Variants in TMEM119 observed in about 807,000 individuals in gnomAD.
TMEM119 encodes the protein transmembrane protein 119.
For missense variants in TMEM119, 410 were observed against 381.0 expected, an observed-to-expected ratio of 1.08 and a Z score of -0.63; for synonymous variants, 182 against 176.4, an observed-to-expected ratio of 1.03 and a Z score of -0.25.
In TMEM119 at chr12:108,591,112, G is replaced by A. The variant is rs74930907; in HGVS notation, c.*420C>T. ...GTGGACTGTTTTTTGTTTTTATAGA[G>A]ATGGGTCTCACAATGTTGCCAGGGC... is the stretch of plus-strand genomic sequence containing the variant. On this transcript the variant is annotated 3_prime_UTR_variant, in exon 2 of 2. Transcript: ENST00000392806. The surrounding 1 kb of genome is among the most constrained non-coding windows in gnomAD (Gnocchi z 4.2). 6.1e-6 allele frequency: 1 copy of A among 164,082 alleles called. No homozygotes were observed. Among genetic ancestry groups the A allele is most frequent in the African/African-American group, 2.4e-5 (1 of 42,066 alleles). The allele number at this position is 164,082 out of a possible 1,614,324, so 10.2% of individuals were successfully genotyped here.
At chr12:108,595,033 G>C (rs2031481307) in intron 1 of TMEM119, among the ~76,000 whole-genome samples, 1 of 152,076 alleles carries the variant, frequency 6.6e-6, no homozygotes, top group Non-Finnish European at 1.5e-5. Flanking sequence ...GGAGCCCTGA[G>C]GCAGCTTCAT....
At chr12:108,595,084 A>G (rs2031481775) in intron 1 of TMEM119, among the ~76,000 whole-genome samples, 2 of 152,080 alleles carry the variant, frequency 1.3e-5, no homozygotes, top group African/African-American at 2.4e-5. Context: ...GTTCAGAGAC[A>G]GACAGTGACT....
chr12:108,592,007 G>C lies in TMEM119; in HGVS notation c.377C>G (p.Ala126Gly). Reference sequence around the variant, plus strand: ...CTTGGGGAAGGACGATGGGTAATAGGCCGAGGCCTTCTGCTTCTGCCGGGT... The same window carrying C: ...CTTGGGGAAGGACGATGGGTAATAGCCCGAGGCCTTCTGCTTCTGCCGGGT... ...VITRQKQKAS[A>G]YYPSSFPKKK... is the part of the protein sequence containing the mutation. Residue 126 changes from alanine (A) to glycine (G), a missense_variant, in exon 2 of 2, where the codon GCC becomes GGC. Transcript: ENST00000392806. The surrounding 1 kb of genome is among the most constrained non-coding windows in gnomAD (Gnocchi z 4.3). 1 of 1,613,954 alleles carries C rather than the reference G, an allele frequency of 6.2e-7. No homozygotes were observed. Among genetic ancestry groups the C allele is most frequent in the Non-Finnish European group, 8.5e-7 (1 of 1,179,914 alleles).
chr12:108,596,401 A>G (rs1328428413), intron 1 of TMEM119, among the ~76,000 whole-genome samples: 3 of 150,538 alleles, frequency 2.0e-5, no homozygotes, highest in Non-Finnish European at 4.4e-5. Flanking sequence ...ACACATGCAC[A>G]CATACACCTA....
rs1237040742 is a variant in TMEM119, at chr12:108,590,387, C to T, written c.*1145G>A. 6.6e-6 allele frequency: 1 copy of T among 152,104 alleles called. No individual in the cohort carries two copies. The highest frequency in any genetic ancestry group is 2.4e-5 in the African/African-American group (1 of 41,410). 9.4% of individuals were successfully genotyped at this position (152,104 alleles called of 1,614,324 possible). Reference sequence around the variant, plus strand: ...CAGAGTGGGTGCTGCAGGATTTTACCCTGTAGCTGTTTTAAAAAGTAGTTT... The same window carrying T: ...CAGAGTGGGTGCTGCAGGATTTTACTCTGTAGCTGTTTTAAAAAGTAGTTT... On this transcript the variant is annotated 3_prime_UTR_variant, in exon 2 of 2. Transcript: ENST00000392806.
chr12:108,596,895 A>G (rs1358094906), intron 1 of TMEM119, among the ~76,000 whole-genome samples: 3 of 152,270 alleles, frequency 2.0e-5, no homozygotes, highest in Admixed American at 6.5e-5. Context: ...TGAGCCCAGC[A>G]GAGCCCTGGA....
rs770390183 is a variant in TMEM119, at chr12:108,591,680, G to A, written c.704C>T (p.Pro235Leu). Reference sequence around the variant, plus strand: ...AGCCCCCTCAAGGACCCCTGAGCACGGCTCCTCCTGCGCCTCTGGTGTCTC... The same window carrying A: ...AGCCCCCTCAAGGACCCCTGAGCACAGCTCCTCCTGCGCCTCTGGTGTCTC... ...PVETPEAQEE[P>L]CSGVLEGAVV... The change falls in exon 2 of 2, where the codon CCG becomes CTG. Residue 235 changes from proline (P) to leucine (L), a missense_variant. Transcript: ENST00000392806. This position sits in a 1 kb window ranked among gnomAD's most constrained non-coding sequence, Gnocchi z 4.2. 1.1e-5 allele frequency: 17 copies of A among 1,613,740 alleles called. No individual in the cohort carries two copies. The highest frequency in any genetic ancestry group is 8.0e-5 in the African/African-American group (6 of 74,896).
At chr12:108,594,224 T>A (rs527844450) in intron 1 of TMEM119, 1 of 152,470 alleles carries the variant, frequency 6.6e-6, no homozygotes, top group South Asian at 2.1e-4. Context: ...TTGTTCCAGG[T>A]GACCTGAGGC....
Position 108,590,055 on chromosome 12 carries a change from G to T in TMEM119, c.*1477C>A, listed in dbSNP as rs2136737047. 6.6e-6 allele frequency: 1 copy of T among 152,364 alleles called. No individual in the cohort carries two copies. 9.4% of individuals were successfully genotyped at this position (152,364 alleles called of 1,614,324 possible). A position where few individuals can be genotyped will look rare whatever the true frequency, so the allele number is the denominator to read the frequency against. On this transcript the variant is annotated 3_prime_UTR_variant, in exon 2 of 2. Transcript: ENST00000392806. ...CCAGACAATGTGTGAGCAACAGGGGGTGGCCAGGGCCCCCCTGCTCCAGGC... is the reference window on the plus strand; with the variant it reads ...CCAGACAATGTGTGAGCAACAGGGGTTGGCCAGGGCCCCCCTGCTCCAGGC...
chr12:108,592,529 G>T lies in TMEM119; in HGVS notation c.-14-132C>A. ...CTAGCAAGTCCCTTCCATTCCCAGG[G>T]CCTGAGCCCCGCTGGTTCAGCTGTG... On this transcript the variant is annotated intron_variant, in intron 1 of 1. Transcript: ENST00000392806. This position sits in a 1 kb window ranked among gnomAD's most constrained non-coding sequence, Gnocchi z 4.3. 1 of 1,030,466 alleles carries T rather than the reference G, an allele frequency of 9.7e-7. No homozygotes were observed. Among genetic ancestry groups the T allele is most frequent in the Non-Finnish European group, 1.4e-6 (1 of 729,990 alleles). The allele number at this position is 1,030,466 out of a possible 1,614,324, so 63.8% of individuals were successfully genotyped here.
In TMEM119 at chr12:108,591,928, C is replaced by A; in HGVS notation, c.456G>T (p.Glu152Asp). The change falls in exon 2 of 2, where the codon GAG becomes GAT. Residue 152 changes from glutamate to aspartate, a missense_variant. Physicochemically the swap from Glu to Asp is conservative, Grantham distance 45. Transcript: ENST00000392806. The surrounding 1 kb of genome is among the most constrained non-coding windows in gnomAD (Gnocchi z 4.2). ...TGCTGTCGGGGGCTCTGTCGGGGAC[C>A]TCACTGAAGGCCCGGGGGCCCCCGG... ...DRAGGPRAFS[E>D]VPDRAPDSRP... The A allele has an allele frequency of 6.2e-7, 1 of 1,613,298 alleles. No homozygotes were observed. The highest frequency in any genetic ancestry group is 8.5e-7 in the Non-Finnish European group (1 of 1,179,742).
chr12:108,591,713 A>C lies in TMEM119; in HGVS notation c.671T>G (p.Val224Gly). ...CTGCGCCTCTGGTGTCTCCACTGGG[A>C]CCCCATGTCCCTGGACTTCCTGGTC... ...EGDQEVQGHG[V>G]PVETPEAQEE... The change falls in exon 2 of 2, where the codon GTC becomes GGC. Residue 224 changes from valine (V) to glycine (G), a missense_variant. Transcript: ENST00000392806. The surrounding 1 kb of genome is among the most constrained non-coding windows in gnomAD (Gnocchi z 4.2). The C allele has an allele frequency of 6.2e-7, 1 of 1,611,808 alleles. No individual in the cohort carries two copies. Among genetic ancestry groups the C allele is most frequent in the Non-Finnish European group, 8.5e-7 (1 of 1,179,004 alleles).
Position 108,592,114 on chromosome 12 carries a change from G to A in TMEM119, c.270C>T (p.Phe90=), listed in dbSNP as rs765267416. The stretch of plus-strand genomic sequence containing the variant: ...CAATCAGCATCACGTACTGGCGGAA[G>A]AAGTCCACTATCCCATCCAGGAAGT... ...PTNFLDGIVD[F]FRQYVMLIAV... Residue 90 remains phenylalanine (F), a synonymous_variant, in exon 2 of 2, where the codon TTC becomes TTT. Coordinates refer to ENST00000392806, the MANE Select transcript of TMEM119 (RefSeq NM_181724.3). This position sits in a 1 kb window ranked among gnomAD's most constrained non-coding sequence, Gnocchi z 4.3. 1.9e-6 allele frequency: 3 copies of A among 1,614,178 alleles called. No homozygotes were observed. Among genetic ancestry groups the A allele is most frequent in the Admixed American group, 1.7e-5 (1 of 60,030 alleles).
rs1191894073 is a variant in TMEM119, at chr12:108,592,065, G to A, written c.319C>T (p.Leu107=). ...LIAVVGSLAF[L]LMFIVCAAVI... is the part of the protein sequence containing the mutation. ...GCGGCACAGACGATGAACATCAGCA[G>A]AAAGGCCAGGGAGCCCACCACAGCA... The change falls in exon 2 of 2, where the codon CTG becomes TTG. Residue 107 remains leucine (L), a synonymous_variant. Transcript: ENST00000392806. This position sits in a 1 kb window ranked among gnomAD's most constrained non-coding sequence, Gnocchi z 4.3. 6.2e-7 allele frequency: 1 copy of A among 1,614,054 alleles called. No homozygotes were observed. The highest frequency in any genetic ancestry group is 8.5e-7 in the Non-Finnish European group (1 of 1,180,016).
intron 1 of TMEM119, among the ~76,000 whole-genome samples, chr12:108,596,256 C>T (rs2031502135): frequency 6.6e-6 from 1 of 152,170 alleles, no homozygotes; most frequent in Non-Finnish European, 1.5e-5. Context: ...CGGATGGGAA[C>T]ATGCGCTCAC....
In TMEM119 at chr12:108,592,296, G is replaced by GGGGCACAGAGCGGGCGTCGGTAGC. The variant is rs761512430; in HGVS notation, c.64_87dup (p.Ala22_Pro29dup). On this transcript the variant is annotated inframe_insertion, in exon 2 of 2. Transcript: ENST00000392806. The surrounding 1 kb of genome is among the most constrained non-coding windows in gnomAD (Gnocchi z 4.3). ...ACATCCTCCAGGAACGTGGCCTTCA[G>GGGGCACAGAGCGGGCGTCGGTAGC]GGGCACAGAGCGGGCGTCGGTAGCA... 15 of 1,607,818 alleles carry GGGGCACAGAGCGGGCGTCGGTAGC rather than the reference G, an allele frequency of 9.3e-6. No individual in the cohort carries two copies. The African/African-American group carries it at 2.0e-4, about 21-fold the overall frequency.
At chr12:108,596,360 AACACACACATGCACACACATACACAT>A (rs1422004324) in intron 1 of TMEM119, among the ~76,000 whole-genome samples, 2 of 151,670 alleles carry the variant, frequency 1.3e-5, no homozygotes, top group Non-Finnish European at 2.9e-5. Flanking sequence ...TGCAGAACCA[AACACACACATGCACACACATACACAT>A]ACACACACAT....
rs2031436447 is a variant in TMEM119 at position 108,592,744 on chromosome 12, G to A, written c.-14-347C>T. On this transcript the variant is annotated intron_variant, in intron 1 of 1. Transcript: ENST00000392806. This position sits in a 1 kb window ranked among gnomAD's most constrained non-coding sequence, Gnocchi z 4.3. ...TTCATGACTTTATGTGTCAGCCACT[G>A]TTTTAAGTTTCTTACATGGAACTTC... Among the ~76,000 whole-genome samples, 1 of 151,918 alleles carries A rather than the reference G, an allele frequency of 6.6e-6. No individual in the cohort carries two copies. The highest frequency in any genetic ancestry group is 1.5e-5 in the Non-Finnish European group (1 of 67,904).
chr12:108,596,353 A>G (rs2031503876), intron 1 of TMEM119, among the ~76,000 whole-genome samples: 1 of 152,080 alleles, frequency 6.6e-6, no homozygotes, highest in African/African-American at 2.4e-5. Flanking sequence ...CAAGGAATGC[A>G]GAACCAAACA....
Sources: allele counts gnomAD v4.1 joint callset (sites outside exome capture counted in the v4.1 genomes callset), GRCh38; gene constraint gnomAD v4.1.1; non-coding constraint Gnocchi (gnomAD v3.1); transcripts MANE v1.5; gene names NCBI Gene and HGNC (gene_info 2026-07-23, HGNC 2026-07-21).